OTUD7A: variants seen among roughly 807,000 people sequenced by gnomAD.
OTUD7A encodes OTU deubiquitinase 7A.
In OTUD7A, 12 loss-of-function variants were observed where a neutral mutation model predicts 65.7. The observed-to-expected ratio is 0.18, with a 90% CI of 0.12 to 0.30. OTUD7A has a LOEUF of 0.30. Among genes scored for constraint, OTUD7A ranks in the 10% least tolerant of loss-of-function variants. OTUD7A has a pLI of 1.00. For synonymous variants in OTUD7A, 641 were observed against 586.3 expected (o/e 1.09, Z -1.35); for missense variants, 1,148 against 1,304.8 (o/e 0.88, Z 1.85).
intron 8 of OTUD7A, among the ~76,000 whole-genome samples, chr15:31,509,604 T>G (rs1271767985): frequency 1.3e-5 from 2 of 152,136 alleles, no homozygotes; most frequent in Non-Finnish European, 2.9e-5. Context: ...AACAAAATTT[T>G]TTTAACCTTT....
At chr15:31,715,082 G>C (rs969911200) in intron 1 of OTUD7A, among the ~76,000 whole-genome samples, 2 of 151,948 alleles carry the variant, frequency 1.3e-5, no homozygotes, top group African/African-American at 4.8e-5. Context: ...GTTGAAGTGA[G>C]CTGAGCGCAC....
intron 1 of OTUD7A, among the ~76,000 whole-genome samples, chr15:31,753,719 TATTATATATATATATA>T (rs1894723499): frequency 3.0e-5 from 3 of 100,496 alleles, no homozygotes; most frequent in Non-Finnish European, 4.5e-5. Flanking sequence ...TATATATATA[TATTATATATATATATA>T]TATATCTCAC....
At chr15:31,521,727 T>G (rs1017149930) in intron 8 of OTUD7A, among the ~76,000 whole-genome samples, 1 of 152,088 alleles carries the variant, frequency 6.6e-6, no homozygotes, top group African/African-American at 2.4e-5. Context: ...GCAAACACAT[T>G]GTCAGTGAAA....
In OTUD7A at chr15:31,633,895, G is replaced by A. The variant is rs545269130; in HGVS notation, c.151+21201C>T. Among the ~76,000 whole-genome samples the A allele has an allele frequency of 1.6e-4, 25 of 152,240 alleles. No homozygotes were observed. The East Asian group carries it at 3.3e-3, about 20-fold the overall frequency. On this transcript the variant is annotated intron_variant, in intron 3 of 12. Transcript: ENST00000307050. The stretch of plus-strand genomic sequence containing the variant: ...TCCAGCGTGCTGCCCTCTTCTCTCC[G>A]GACCTGCGAGGAACTCACTGCTTCT...
At chr15:31,527,125 C>T (rs2042025481) in intron 7 of OTUD7A, 56 bp downstream of exon 7, 1 of 1,607,646 alleles carries the variant, frequency 6.2e-7, no homozygotes, top group South Asian at 1.1e-5. Flanking sequence ...TCGACCACGG[C>T]CCGAGGCTGC....
chr15:31,614,453 A>C (rs1156384913), intron 3 of OTUD7A, among the ~76,000 whole-genome samples: 1 of 152,140 alleles, frequency 6.6e-6, no homozygotes, highest in Non-Finnish European at 1.5e-5. Context: ...ACCTATGATA[A>C]AGGAAAATAT....
intron 1 of OTUD7A, among the ~76,000 whole-genome samples, chr15:31,805,743 C>T (rs1049634960): frequency 6.6e-6 from 1 of 152,160 alleles, no homozygotes; most frequent in Non-Finnish European, 1.5e-5. Context: ...CCCTGACTCC[C>T]GCTTCAAGGC....
In OTUD7A at chr15:31,487,753, G is replaced by C. The variant is rs1013513498; in HGVS notation, c.1172-187C>G. Among the ~76,000 whole-genome samples the C allele has an allele frequency of 1.3e-5, 2 of 152,234 alleles. No individual in the cohort carries two copies. Among genetic ancestry groups the C allele is most frequent in the Non-Finnish European group, 2.9e-5 (2 of 68,044 alleles). On this transcript the variant is annotated intron_variant, in intron 10 of 12. Transcript: ENST00000307050. The surrounding 1 kb of genome is among the most constrained non-coding windows in gnomAD (Gnocchi z 6.0). ...TTTTTAAAATTTCGTATTTATTGCG[G>C]ACAGTGGAGAGCAGTTGGAAGCGTC...
At chr15:31,760,396 T>C (rs987619416) in intron 1 of OTUD7A, among the ~76,000 whole-genome samples, 3 of 152,228 alleles carry the variant, frequency 2.0e-5, no homozygotes, top group Non-Finnish European at 4.4e-5. Flanking sequence ...TATGCTGTCC[T>C]TTATAGCAAC....
At chr15:31,500,926 C>T (rs1054825415) in intron 10 of OTUD7A, among the ~76,000 whole-genome samples, 13 of 152,234 alleles carry the variant, frequency 8.5e-5, no homozygotes, top group Non-Finnish European at 1.2e-4. Flanking sequence ...CAGCTGGTCA[C>T]ACATCCATCA....
intron 1 of OTUD7A, among the ~76,000 whole-genome samples, chr15:31,869,965 G>A (rs1459940181): frequency 1.3e-5 from 2 of 152,074 alleles, no homozygotes; most frequent in Admixed American, 1.3e-4. Flanking sequence ...TGTCCAGCGA[G>A]ACCCAGCAGA....
At chr15:31,522,484 C>A (rs531490876) in intron 8 of OTUD7A, among the ~76,000 whole-genome samples, 1 of 152,222 alleles carries the variant, frequency 6.6e-6, no homozygotes, top group Non-Finnish European at 1.5e-5. Flanking sequence ...ACCATAATCA[C>A]GTGAGCCAAT....
intron 1 of OTUD7A, among the ~76,000 whole-genome samples, chr15:31,805,717 G>C (rs1483990787): frequency 6.6e-6 from 1 of 152,220 alleles, no homozygotes; most frequent in East Asian, 1.9e-4. Flanking sequence ...TCTCTGCACA[G>C]GGAGCTGCCT....
intron 1 of OTUD7A, among the ~76,000 whole-genome samples, chr15:31,731,541 G>T (rs1355233071): frequency 6.6e-6 from 1 of 152,210 alleles, no homozygotes; most frequent in Admixed American, 6.5e-5. Context: ...GTTACCAGGG[G>T]CTAGAGGGAG....
At chr15:31,825,973 G>A (rs553431916) in intron 1 of OTUD7A, among the ~76,000 whole-genome samples, 7 of 152,298 alleles carry the variant, frequency 4.6e-5, no homozygotes, top group East Asian at 1.9e-4. Context: ...GGGCAGCTCC[G>A]CCCCTGTGGC....
chr15:31,673,256 A>G (rs1892524717), intron 1 of OTUD7A, among the ~76,000 whole-genome samples: 1 of 152,238 alleles, frequency 6.6e-6, no homozygotes, highest in Admixed American at 6.5e-5. Flanking sequence ...ACCATTCTAA[A>G]TTTGGACTAG....
intron 1 of OTUD7A, among the ~76,000 whole-genome samples, chr15:31,803,583 G>A (rs1242684603): frequency 6.6e-6 from 1 of 152,216 alleles, no homozygotes; most frequent in East Asian, 1.9e-4. Context: ...GCTCCACAGG[G>A]AGCAGAGACT....
intron 5 of OTUD7A, among the ~76,000 whole-genome samples, chr15:31,554,958 TTG>T (rs1219254764): frequency 6.6e-6 from 1 of 152,040 alleles, no homozygotes; most frequent in African/African-American, 2.4e-5. Context: ...TGGGAGTGGG[TTG>T]TGTTTTCCAG....
intron 5 of OTUD7A, among the ~76,000 whole-genome samples, chr15:31,535,669 TTTTTG>T (rs1485252668): frequency 7.3e-6 from 1 of 136,528 alleles, no homozygotes; most frequent in African/African-American, 3.2e-5. Flanking sequence ...TTGGGTTCTG[TTTTTG>T]TTTTTTTTTT....
Sources: gnomAD v4.1 joint callset for allele counts (sites outside exome capture counted in the v4.1 genomes callset) on GRCh38, gnomAD v4.1.1 for gene constraint, Gnocchi (gnomAD v3.1) non-coding constraint, MANE v1.5 for transcripts, NCBI Gene and HGNC (gene_info 2026-07-23, HGNC 2026-07-21) for gene names.